RUBCNL: variants seen among roughly 807,000 people sequenced by gnomAD.
RUBCNL encodes protein associated with UVRAG as autophagy enhancer.
A neutral mutation model predicts 69.5 loss-of-function variants in RUBCNL; 62 were observed. That is an observed-to-expected ratio of 0.89 (90% CI 0.73 to 1.10). The LOEUF is 1.10. RUBCNL is among the 50% of genes least tolerant of loss of function. The pLI is 0.00. For synonymous variants in RUBCNL, 291 were observed against 303.6 expected, an observed-to-expected ratio of 0.96 and a Z score of 0.43; for missense variants, 768 against 798.1, an observed-to-expected ratio of 0.96 and a Z score of 0.45.
intron 14 of RUBCNL, among the ~76,000 whole-genome samples, chr13:46,343,727 C>T (rs953963428): frequency 1.3e-4 from 20 of 152,104 alleles, no homozygotes; most frequent in Non-Finnish European, 4.4e-5. Context: ...CCTGATGTAA[C>T]GGACACTGCA....
chr13:46,345,393 C>G, intron 13 of RUBCNL, 54 bp downstream of exon 13: 1 of 1,536,688 alleles, frequency 6.5e-7, no homozygotes, highest in Non-Finnish European at 8.8e-7. Flanking sequence ...GTGCGGAACA[C>G]CCAGCACAGG....
chr13:46,346,526 C>A (rs80178042), intron 12 of RUBCNL, among the ~76,000 whole-genome samples: 3,969 of 152,262 alleles, frequency 0.026, 83 homozygotes, highest in East Asian at 0.098. Context: ...GGACTTAATA[C>A]AGATCTACTA....
chr13:46,360,962 G>A (rs888664563), intron 8 of RUBCNL, among the ~76,000 whole-genome samples: 1 of 152,040 alleles, frequency 6.6e-6, no homozygotes, highest in African/African-American at 2.4e-5. Flanking sequence ...GGTGGCTCAG[G>A]CCTATAATCC....
Position 46,337,878 on chromosome 13 carries a change from G to A in RUBCNL, c.*5507C>T, listed in dbSNP as rs2048113987. 6.6e-6 allele frequency among the ~76,000 whole-genome samples: 1 copy of A among 152,152 alleles called. No homozygotes were observed. The highest frequency in any genetic ancestry group is 1.5e-5 in the Non-Finnish European group (1 of 68,024). On this transcript the variant is annotated 3_prime_UTR_variant, in exon 15 of 15. Transcript: ENST00000429979. ...AACAATCACTCAGGGAGCTGGGTAG[G>A]GCCCTCAGGAATGTGGACCTTCAGG... is the stretch of plus-strand genomic sequence containing the variant.
At position 46,337,688 on chromosome 13, in the gene RUBCNL, C is replaced by A. The variant is rs1360912505; in HGVS notation, c.*5697G>T. ...ACAAACCTGTTCCCTCAGTACTCAT[C>A]CCCTGGACAACAGGTATCAGGACAT... is the stretch of plus-strand genomic sequence containing the variant. On this transcript the variant is annotated 3_prime_UTR_variant, in exon 15 of 15. Transcript: ENST00000429979. Among the ~76,000 whole-genome samples the A allele has an allele frequency of 1.3e-5, 2 of 152,172 alleles. No individual in the cohort carries two copies. The highest frequency in any genetic ancestry group is 2.9e-5 in the Non-Finnish European group (2 of 68,034).
At chr13:46,351,796 G>A (rs2048374034) in intron 10 of RUBCNL, among the ~76,000 whole-genome samples, 1 of 151,388 alleles carries the variant, frequency 6.6e-6, no homozygotes, top group Admixed American at 6.6e-5. Context: ...TTTCTGGAGG[G>A]TAGGAGAAAG....
chr13:46,374,197 G>C (rs769275254), intron 2 of RUBCNL, among the ~76,000 whole-genome samples: 13 of 152,200 alleles, frequency 8.5e-5, no homozygotes, highest in Admixed American at 3.9e-4. Flanking sequence ...CTCTGCCTCA[G>C]CCTCCCAAGT....
rs760666676 is a variant in RUBCNL at position 46,335,719 on chromosome 13, C to A, written c.*7666G>T. On this transcript the variant is annotated 3_prime_UTR_variant, in exon 15 of 15. Coordinates refer to ENST00000429979, the MANE Select transcript of RUBCNL (RefSeq NM_025113.5). ...AGATATATTTTGTAGGTAGAGCTGACAGAAGTTACTGATGGACTGGATCTG... is the reference window on the plus strand; with the variant it reads ...AGATATATTTTGTAGGTAGAGCTGAAAGAAGTTACTGATGGACTGGATCTG... 5.9e-5 allele frequency among the ~76,000 whole-genome samples: 9 copies of A among 152,224 alleles called. No homozygotes were observed. The highest frequency in any genetic ancestry group is 7.4e-5 in the Non-Finnish European group (5 of 68,026).
At chr13:46,378,043 C>G in intron 1 of RUBCNL, 38 bp from the exon 2 acceptor site, 1 of 1,078,598 alleles carries the variant, frequency 9.3e-7, no homozygotes, top group Non-Finnish European at 1.3e-6. Context: ...TGCTATGATA[C>G]CACTGCCAGG....
At chr13:46,367,891 A>T in intron 5 of RUBCNL, 151 bp downstream of exon 5, 1 of 720,288 alleles carries the variant, frequency 1.4e-6, no homozygotes, top group Non-Finnish European at 2.3e-6. Context: ...AAGAACAAAA[A>T]AAAAGTAGTG....
chr13:46,385,453 A>G (rs919488507), intron 1 of RUBCNL, among the ~76,000 whole-genome samples: 1 of 152,202 alleles, frequency 6.6e-6, no homozygotes. Context: ...ATGACACACC[A>G]TGCTAAATCT....
At chr13:46,349,172 AG>A in intron 12 of RUBCNL, 113 bp downstream of exon 12, 1 of 808,190 alleles carries the variant, frequency 1.2e-6, no homozygotes, top group African/African-American at 1.7e-5. Context: ...GAAAGCCATG[AG>A]GTCATCACTG....
intron 1 of RUBCNL, 29 bp downstream of exon 1, chr13:46,387,105 C>T: frequency 1.0e-6 from 1 of 985,826 alleles, no homozygotes; most frequent in Non-Finnish European, 1.2e-6. Flanking sequence ...GCGCCGCTCC[C>T]ATCTCGCCCC....
rs1018620183 is a variant in RUBCNL at position 46,335,056 on chromosome 13, G to A, written c.*8329C>T. Among the ~76,000 whole-genome samples the A allele has an allele frequency of 4.6e-5, 7 of 151,828 alleles. No individual in the cohort carries two copies. The highest frequency in any genetic ancestry group is 8.8e-5 in the Non-Finnish European group (6 of 67,950). On this transcript the variant is annotated 3_prime_UTR_variant, in exon 15 of 15. Transcript: ENST00000429979. ...CAAGCCCAACAGGAAACCTACTTGG[G>A]TAAAGAATTTGGACTTTTTTTTTTT... is the stretch of plus-strand genomic sequence containing the variant.
At chr13:46,386,100 T>C (rs140369371) in intron 1 of RUBCNL, among the ~76,000 whole-genome samples, 1,547 of 152,194 alleles carry the variant, frequency 0.01, 27 homozygotes, top group African/African-American at 0.028. Flanking sequence ...AGTGTTTCAG[T>C]GGGCAGCAAT....
At chr13:46,367,328 G>A (rs1252768039) in intron 5 of RUBCNL, among the ~76,000 whole-genome samples, 3 of 152,138 alleles carry the variant, frequency 2.0e-5, no homozygotes, top group African/African-American at 7.2e-5. Context: ...ACCTAGCACA[G>A]CACAGGCCCA....
At chr13:46,343,530 G>T (rs1362370456) in intron 14 of RUBCNL, 33 bp from the exon 15 acceptor site, 3 of 1,600,254 alleles carry the variant, frequency 1.9e-6, no homozygotes, top group African/African-American at 2.7e-5. Context: ...TTAGCAAACG[G>T]TCTATCTTGT....
chr13:46,374,581 G>A (rs911420715), intron 2 of RUBCNL: 3 of 152,180 alleles, frequency 2.0e-5, no homozygotes, highest in Admixed American at 6.5e-5. Flanking sequence ...CCAAAAGGCC[G>A]AGAAGCGATT....
chr13:46,367,169 C>T (rs567506003), intron 5 of RUBCNL, among the ~76,000 whole-genome samples: 15 of 152,260 alleles, frequency 9.9e-5, no homozygotes, highest in Admixed American at 5.9e-4. Context: ...CAGAGTGAGC[C>T]GAGGCACTCC....
Sources: gnomAD v4.1 joint callset for allele counts (sites outside exome capture counted in the v4.1 genomes callset) on GRCh38, gnomAD v4.1.1 for gene constraint, MANE v1.5 for transcripts, NCBI Gene and HGNC (gene_info 2026-07-23, HGNC 2026-07-21) for gene names.